NKAIN2: variants seen among roughly 807,000 people sequenced by gnomAD.
NKAIN2 encodes sodium/potassium transporting ATPase interacting 2, also known as sodium/potassium-transporting ATPase subunit beta-1-interacting protein 2.
A neutral mutation model predicts 32.6 loss-of-function variants in NKAIN2; 14 were observed. The ratio of observed to expected loss-of-function variants is 0.43; its 90% confidence interval spans 0.28 to 0.67. NKAIN2 has a LOEUF of 0.67. Among genes scored for constraint, NKAIN2 ranks in the 30% least tolerant of loss-of-function variants. The probability of loss-of-function intolerance (pLI) is 0.17; values close to 1 mark genes in which losing one functional copy is unlikely to be tolerated. For missense variants in NKAIN2, 198 were observed against 258.3 expected, an observed-to-expected ratio of 0.77 and a Z score of 1.60; for synonymous variants, 80 against 87.2, an observed-to-expected ratio of 0.92 and a Z score of 0.46.
chr6:124,193,262 C>T (rs940612919), intron 1 of NKAIN2, among the ~76,000 whole-genome samples: 1 of 152,198 alleles, frequency 6.6e-6, no homozygotes, highest in Non-Finnish European at 1.5e-5. Context: ...CACTACCAGC[C>T]GGGATCTCAT....
intron 3 of NKAIN2, among the ~76,000 whole-genome samples, chr6:124,535,993 G>C (rs572146435): frequency 6.6e-6 from 1 of 152,180 alleles, no homozygotes; most frequent in South Asian, 2.1e-4. Flanking sequence ...GCTGCCGATG[G>C]GCAGCTAGCC....
intron 3 of NKAIN2, among the ~76,000 whole-genome samples, chr6:124,518,870 G>A (rs1779022879): frequency 6.6e-6 from 1 of 152,180 alleles, no homozygotes. Flanking sequence ...CTTAATCGAT[G>A]TAATGACATA....
intron 1 of NKAIN2, among the ~76,000 whole-genome samples, chr6:124,056,782 C>G (rs75898274): frequency 6.6e-6 from 1 of 151,812 alleles, no homozygotes; most frequent in African/African-American, 2.4e-5. Context: ...GCCTCTCAAA[C>G]GGTCGCACAA....
intron 4 of NKAIN2, among the ~76,000 whole-genome samples, chr6:124,704,062 A>G (rs1477317657): frequency 6.6e-6 from 1 of 152,034 alleles, no homozygotes; most frequent in Non-Finnish European, 1.5e-5. Flanking sequence ...GTTCTGGAAA[A>G]ACGTTGGTGT....
chr6:124,097,658 G>A (rs1582637104), intron 1 of NKAIN2, among the ~76,000 whole-genome samples: 1 of 152,150 alleles, frequency 6.6e-6, no homozygotes, highest in African/African-American at 2.4e-5. Flanking sequence ...TAATAGATGA[G>A]GTCAGCAGCC....
chr6:124,233,989 T>G (rs1224248383), intron 1 of NKAIN2, among the ~76,000 whole-genome samples: 1 of 152,198 alleles, frequency 6.6e-6, no homozygotes, highest in Non-Finnish European at 1.5e-5. Flanking sequence ...TCGTCTATGC[T>G]GTAGGCTTTG....
intron 1 of NKAIN2, among the ~76,000 whole-genome samples, chr6:123,836,274 T>C (rs1774616268): frequency 6.6e-6 from 1 of 151,928 alleles, no homozygotes; most frequent in Non-Finnish European, 1.5e-5. Flanking sequence ...CAAAAGGTAA[T>C]ATATGAAAAG....
chr6:124,445,773 C>T (rs548943476), intron 3 of NKAIN2, among the ~76,000 whole-genome samples: 36 of 74,290 alleles, frequency 4.8e-4, no homozygotes, highest in African/African-American at 8.9e-4. Context: ...AAAATGAAAA[C>T]GAAACAAAAC....
At chr6:124,421,863 G>T (rs534313792) in intron 3 of NKAIN2, among the ~76,000 whole-genome samples, 2 of 152,164 alleles carry the variant, frequency 1.3e-5, no homozygotes, top group South Asian at 4.1e-4. Flanking sequence ...TATGTCCGGC[G>T]TGATTTTAGG....
At chr6:124,541,724 C>G (rs746973635) in intron 3 of NKAIN2, among the ~76,000 whole-genome samples, 1 of 152,148 alleles carries the variant, frequency 6.6e-6, no homozygotes, top group Non-Finnish European at 1.5e-5. Context: ...ATAAGAGAGA[C>G]CCCAGTTAGC....
intron 3 of NKAIN2, among the ~76,000 whole-genome samples, chr6:124,431,967 G>C (rs1235979501): frequency 2.0e-5 from 3 of 152,172 alleles, no homozygotes; most frequent in East Asian, 1.9e-4. Context: ...TGTTCAGAAA[G>C]AAGACTTTGG....
At chr6:123,881,027 G>A (rs551782757) in intron 1 of NKAIN2, among the ~76,000 whole-genome samples, 2 of 152,224 alleles carry the variant, frequency 1.3e-5, no homozygotes, top group East Asian at 1.9e-4. Context: ...ACCACAAATG[G>A]TGTACTGAGT....
chr6:124,026,385 A>G (rs940240799), intron 1 of NKAIN2, among the ~76,000 whole-genome samples: 4 of 152,156 alleles, frequency 2.6e-5, no homozygotes, highest in Admixed American at 2.0e-4. Flanking sequence ...CTATTTCCAT[A>G]GTAGCTCAGT....
In NKAIN2 at chr6:124,025,770, A is replaced by G. The variant is rs554581196; in HGVS notation, c.54+221516A>G. Among the ~76,000 whole-genome samples the G allele has an allele frequency of 1.1e-4, 17 of 152,298 alleles. No homozygotes were observed. In the South Asian group the frequency reaches 1.2e-3, roughly 11 times the overall value. ...CGAAAAAGTCACATTGTACACTGTA[A>G]ATAAAAAACATTAAGAAAACAACAC... On this transcript the variant is annotated intron_variant, in intron 1 of 6. Transcript: ENST00000368417.
rs1266762963 is a variant in NKAIN2, at chr6:123,804,044, G to A, written c.-157G>A. On this transcript the variant is annotated 5_prime_UTR_variant, in exon 1 of 7. An upstream start codon of the reference 5' UTR is lost. Coordinates refer to ENST00000368417, the MANE Select transcript of NKAIN2 (RefSeq NM_001040214.3). ...CGCCGCCGCGCCAGCAGGTCCTAAT[G>A]CCTGTCACTTCCCAGGACGCTGGCA... The A allele has an allele frequency of 1.6e-5, 12 of 748,390 alleles. No homozygotes were observed. Among genetic ancestry groups the A allele is most frequent in the Non-Finnish European group, 2.6e-5 (11 of 417,456 alleles). The allele number at this position is 748,390 out of a possible 1,614,324, so 46.4% of individuals were successfully genotyped here.
intron 4 of NKAIN2, among the ~76,000 whole-genome samples, chr6:124,708,418 T>C (rs1775224229): frequency 6.6e-6 from 1 of 151,968 alleles, no homozygotes; most frequent in South Asian, 2.1e-4. Flanking sequence ...ATTGAATCTG[T>C]AAATTACCTT....
intron 3 of NKAIN2, among the ~76,000 whole-genome samples, chr6:124,624,904 T>C (rs1043932605): frequency 6.7e-6 from 1 of 150,176 alleles, no homozygotes; most frequent in Non-Finnish European, 1.5e-5. Context: ...TCACTGGTTC[T>C]TTTAAATAGA....
intron 1 of NKAIN2, among the ~76,000 whole-genome samples, chr6:124,026,890 A>G (rs895128236): frequency 3.9e-5 from 6 of 151,928 alleles, no homozygotes; most frequent in Non-Finnish European, 5.9e-5. Flanking sequence ...TCACTATTCA[A>G]CACATTGTGG....
At chr6:124,609,544 A>G (rs918962383) in intron 3 of NKAIN2, among the ~76,000 whole-genome samples, 1 of 151,960 alleles carries the variant, frequency 6.6e-6, no homozygotes, top group Non-Finnish European at 1.5e-5. Flanking sequence ...GGCATGGGGG[A>G]TGAGAGTAAC....
Sources: gnomAD v4.1 joint callset for allele counts (sites outside exome capture counted in the v4.1 genomes callset) on GRCh38, gnomAD v4.1.1 for gene constraint, MANE v1.5 for transcripts, NCBI Gene and HGNC (gene_info 2026-07-23, HGNC 2026-07-21) for gene names.